Variants in CADM2 observed in about 807,000 individuals in gnomAD.
CADM2 encodes immunoglobulin superfamily member 4D.
Under a neutral mutation model 49.8 loss-of-function variants are expected in CADM2, and 12 were observed. That is an observed-to-expected ratio of 0.24 (90% CI 0.15 to 0.39). The LOEUF is 0.39. CADM2 is among the 10% of genes least tolerant of loss of function. The probability of loss-of-function intolerance (pLI) is 1.00; values close to 1 mark genes in which losing one functional copy is unlikely to be tolerated. For missense variants in CADM2, 378 were observed against 492.3 expected, an observed-to-expected ratio of 0.77 and a Z score of 2.20; for synonymous variants, 214 against 175.4, an observed-to-expected ratio of 1.22 and a Z score of -1.74.
intron 1 of CADM2, among the ~76,000 whole-genome samples, chr3:85,601,044 A>G (rs2063376692): frequency 6.7e-6 from 1 of 149,336 alleles, no homozygotes; most frequent in African/African-American, 2.4e-5. Flanking sequence ...ATATTCATAT[A>G]CATACCTATA....
intron 1 of CADM2, among the ~76,000 whole-genome samples, chr3:85,124,668 T>C (rs954753059): frequency 2.0e-5 from 3 of 152,150 alleles, no homozygotes; most frequent in Non-Finnish European, 4.4e-5. Context: ...GTGGAAAATG[T>C]ATTCAAACAT....
intron 1 of CADM2, among the ~76,000 whole-genome samples, chr3:85,692,110 A>C (rs2066407287): frequency 6.6e-6 from 1 of 152,188 alleles, no homozygotes; most frequent in South Asian, 2.1e-4. Context: ...ATGTACCCTA[A>C]AACTTAAAGT....
At chr3:85,489,510 T>C (rs2107643246) in intron 1 of CADM2, among the ~76,000 whole-genome samples, 1 of 152,202 alleles carries the variant, frequency 6.6e-6, no homozygotes, top group East Asian at 1.9e-4. Context: ...TTTGTAAACA[T>C]CAATACATGA....
chr3:85,875,083 G>A (rs1208517049), intron 3 of CADM2, among the ~76,000 whole-genome samples: 13 of 152,122 alleles, frequency 8.5e-5, no homozygotes. Flanking sequence ...GGTCCAGGCT[G>A]AAACTTGGAA....
chr3:85,273,331 T>G (rs912485035), intron 1 of CADM2, among the ~76,000 whole-genome samples: 2 of 151,246 alleles, frequency 1.3e-5, no homozygotes, highest in African/African-American at 2.4e-5. Flanking sequence ...AGATTTTGAA[T>G]AGAAGAGGAA....
At chr3:85,423,205 A>G (rs2036254149) in intron 1 of CADM2, among the ~76,000 whole-genome samples, 1 of 151,816 alleles carries the variant, frequency 6.6e-6, no homozygotes, top group African/African-American at 2.4e-5. Context: ...CTTCTCTGCC[A>G]CCCTACTCTT....
At chr3:85,150,282 A>G (rs891445655) in intron 1 of CADM2, among the ~76,000 whole-genome samples, 1 of 152,180 alleles carries the variant, frequency 6.6e-6, no homozygotes, top group African/African-American at 2.4e-5. Context: ...TTTTCTAAGA[A>G]TAAAGGACAG....
intron 1 of CADM2, among the ~76,000 whole-genome samples, chr3:84,997,257 T>C (rs1266820287): frequency 6.6e-6 from 1 of 152,118 alleles, no homozygotes; most frequent in Admixed American, 6.6e-5. Flanking sequence ...TTTTGCTTTG[T>C]TAAAGGGTAT....
At chr3:85,147,819 G>T (rs549667056) in intron 1 of CADM2, among the ~76,000 whole-genome samples, 1 of 152,118 alleles carries the variant, frequency 6.6e-6, no homozygotes, top group East Asian at 1.9e-4. Flanking sequence ...TATAACAGGA[G>T]ATTTAAAAAG....
intron 1 of CADM2, among the ~76,000 whole-genome samples, chr3:85,145,958 A>T (rs1308337002): frequency 1.3e-5 from 2 of 152,200 alleles, no homozygotes; most frequent in Non-Finnish European, 2.9e-5. Flanking sequence ...CCAGTTTGGC[A>T]TAAAAGGTTA....
At chr3:85,863,016 C>A (rs1455429677) in intron 3 of CADM2, among the ~76,000 whole-genome samples, 1 of 152,096 alleles carries the variant, frequency 6.6e-6, no homozygotes, top group Admixed American at 6.6e-5. Flanking sequence ...TAATTCTGAA[C>A]TGCTTATTAG....
intron 1 of CADM2, among the ~76,000 whole-genome samples, chr3:84,960,723 C>A (rs913543102): frequency 6.6e-6 from 1 of 152,092 alleles, no homozygotes; most frequent in Non-Finnish European, 1.5e-5. Flanking sequence ...AATCTGGGTT[C>A]ACTTTTCTCC....
intron 3 of CADM2, among the ~76,000 whole-genome samples, chr3:85,831,889 T>C (rs574478630): frequency 6.6e-6 from 1 of 152,034 alleles, no homozygotes; most frequent in South Asian, 2.1e-4. Flanking sequence ...AGTTATAAAT[T>C]CTTTGCCAAG....
At chr3:85,627,879 A>T (rs979721514) in intron 1 of CADM2, among the ~76,000 whole-genome samples, 3 of 152,104 alleles carry the variant, frequency 2.0e-5, no homozygotes, top group African/African-American at 7.2e-5. Flanking sequence ...AATCTGGTCC[A>T]GGTAGAGCAA....
intron 1 of CADM2, among the ~76,000 whole-genome samples, chr3:85,458,206 C>A (rs1458881554): frequency 6.6e-6 from 1 of 152,182 alleles, no homozygotes; most frequent in Non-Finnish European, 1.5e-5. Flanking sequence ...GTCTCTCCTG[C>A]TGAATAACGT....
chr3:85,261,188 G>A (rs2043007634), intron 1 of CADM2, among the ~76,000 whole-genome samples: 1 of 151,906 alleles, frequency 6.6e-6, no homozygotes, highest in African/African-American at 2.4e-5. Context: ...TCAGGCTGGA[G>A]TGCAGTGGCA....
chr3:85,236,456 G>A (rs1323389174), intron 1 of CADM2, among the ~76,000 whole-genome samples: 1 of 151,910 alleles, frequency 6.6e-6, no homozygotes, highest in Non-Finnish European at 1.5e-5. Context: ...TACTTGATAT[G>A]ATTTCAATTG....
intron 2 of CADM2, among the ~76,000 whole-genome samples, chr3:85,787,101 A>T (rs563342092): frequency 6.6e-6 from 1 of 152,226 alleles, no homozygotes; most frequent in South Asian, 2.1e-4. Flanking sequence ...ATTGCAGTTT[A>T]TAAGCCAGCA....
At chr3:85,456,112 A>C (rs186350085) in intron 1 of CADM2, among the ~76,000 whole-genome samples, 3 of 152,346 alleles carry the variant, frequency 2.0e-5, no homozygotes, top group East Asian at 3.9e-4. Context: ...CTGTCAGTGC[A>C]TCTGAAGCAC....
Sources: allele counts gnomAD v4.1 joint callset (sites outside exome capture counted in the v4.1 genomes callset), GRCh38; gene constraint gnomAD v4.1.1; transcripts MANE v1.5; gene names NCBI Gene and HGNC (gene_info 2026-07-23, HGNC 2026-07-21).